TMEM51: variants seen among roughly 807,000 people sequenced by gnomAD.
TMEM51 encodes chromosome 1 open reading frame 72.
A neutral mutation model predicts 13.6 loss-of-function variants in TMEM51; 8 were observed. That is an observed-to-expected ratio of 0.59 (90% CI 0.35 to 1.07). The LOEUF is 1.07. Among genes scored for constraint, TMEM51 ranks in the 50% least tolerant of loss-of-function variants. The probability of loss-of-function intolerance (pLI) is 0.02; values close to 1 mark genes in which losing one functional copy is unlikely to be tolerated. For missense variants in TMEM51, 279 were observed against 330.7 expected (o/e 0.84, Z 1.21); for synonymous variants, 147 against 144.4 (o/e 1.02, Z -0.13).
intron 1 of TMEM51, among the ~76,000 whole-genome samples, chr1:15,209,571 T>C (rs1357878825): frequency 6.6e-6 from 1 of 152,214 alleles, no homozygotes; most frequent in East Asian, 1.9e-4. Flanking sequence ...GTCAGGATCA[T>C]CCTCACTGGT....
chr1:15,156,262 G>T (rs1168786076), intron 1 of TMEM51, among the ~76,000 whole-genome samples: 1 of 152,194 alleles, frequency 6.6e-6, no homozygotes, highest in African/African-American at 2.4e-5. Flanking sequence ...GTCTGCGTGA[G>T]GGATGGGAAA....
rs1233042853 is a variant in TMEM51 at position 15,168,527 on chromosome 1, G to T, written c.-267+14573G>T. On this transcript the variant is annotated intron_variant, in intron 1 of 3. Transcript: ENST00000376008. The stretch of plus-strand genomic sequence containing the variant: ...CCCTTGGTTTTATGATTGGAAGCTG[G>T]TAGAACCACTGATTTAACAGCATAG... 6 of 1,304,734 alleles carry T rather than the reference G, an allele frequency of 4.6e-6. No individual in the cohort carries two copies. The East Asian group carries it at 2.2e-4, about 48-fold the overall frequency. The allele number at this position is 1,304,734 out of a possible 1,614,324, so 80.8% of individuals were successfully genotyped here.
intron 1 of TMEM51, among the ~76,000 whole-genome samples, chr1:15,202,688 C>A (rs1366761197): frequency 2.0e-5 from 3 of 152,174 alleles, no homozygotes; most frequent in African/African-American, 7.2e-5. Flanking sequence ...TTGGGCCCAC[C>A]TGGATGATCC....
intron 1 of TMEM51, among the ~76,000 whole-genome samples, chr1:15,158,850 C>G (rs1396126564): frequency 6.6e-6 from 1 of 152,104 alleles, no homozygotes. Context: ...AGTGGTTTTC[C>G]GCTGGATTTT....
chr1:15,183,054 C>T (rs765457433), intron 1 of TMEM51, among the ~76,000 whole-genome samples: 18 of 152,214 alleles, frequency 1.2e-4, no homozygotes, highest in East Asian at 1.9e-4. Flanking sequence ...TGAGCCACCA[C>T]GCCCAGCCAA....
chr1:15,197,801 C>T (rs1644079237), intron 1 of TMEM51, among the ~76,000 whole-genome samples: 1 of 152,110 alleles, frequency 6.6e-6, no homozygotes, highest in South Asian at 2.1e-4. Flanking sequence ...CCCTCCACTT[C>T]CCTGATCTCG....
intron 1 of TMEM51, among the ~76,000 whole-genome samples, chr1:15,201,313 AAAAT>A (rs1273842938): frequency 5.7e-4 from 86 of 152,004 alleles, no homozygotes; most frequent in Non-Finnish European, 8.4e-4. Flanking sequence ...GTCGTTAAGA[AAAAT>A]AAATATATTA....
intron 1 of TMEM51, among the ~76,000 whole-genome samples, chr1:15,187,949 A>G (rs1214523361): frequency 3.3e-5 from 5 of 152,204 alleles, no homozygotes; most frequent in Non-Finnish European, 7.3e-5. Flanking sequence ...GAGAGGATGC[A>G]TGGGCACAGG....
At chr1:15,175,508 A>G (rs756677423) in intron 1 of TMEM51, among the ~76,000 whole-genome samples, 24 of 152,316 alleles carry the variant, frequency 1.6e-4, no homozygotes, top group Non-Finnish European at 3.1e-4. Context: ...TTTCTGCCTC[A>G]GGGCCTTTGC....
rs561514474 is a variant in TMEM51, at chr1:15,188,952, C to A, written c.-266-21538C>A. On this transcript the variant is annotated intron_variant, in intron 1 of 3. Transcript: ENST00000376008. Reference sequence around the variant, plus strand: ...GAGGTCAGCAGCTTTGCTCCTGCCTCTCCAGGGTCCACCCTTACTGGGCAG... The same window carrying A: ...GAGGTCAGCAGCTTTGCTCCTGCCTATCCAGGGTCCACCCTTACTGGGCAG... Among the ~76,000 whole-genome samples, 218 of 152,320 alleles carry A rather than the reference C, an allele frequency of 1.4e-3. 4 individuals are homozygous for A. In the South Asian group the frequency reaches 0.042, roughly 30 times the overall value.
chr1:15,213,358 T>G (rs532073729), intron 2 of TMEM51, among the ~76,000 whole-genome samples: 1 of 152,342 alleles, frequency 6.6e-6, no homozygotes, highest in African/African-American at 2.4e-5. Flanking sequence ...CAAGAAAATA[T>G]CTTCGCAGCA....
chr1:15,192,134 CA>C (rs1424012062), intron 1 of TMEM51: 5 of 456,782 alleles, frequency 1.1e-5, no homozygotes, highest in Non-Finnish European at 2.2e-5. Context: ...TTTTGATGAA[CA>C]GCATTTTCAT....
At chr1:15,163,645 A>T in intron 1 of TMEM51, among the ~76,000 whole-genome samples, 1 of 132,956 alleles carries the variant, frequency 7.5e-6, no homozygotes, top group Non-Finnish European at 1.8e-5. Flanking sequence ...TTTTGTAATA[A>T]TAGCAACAAA....
chr1:15,204,479 T>A (rs1387537387), intron 1 of TMEM51, among the ~76,000 whole-genome samples: 5 of 152,196 alleles, frequency 3.3e-5, no homozygotes, highest in Non-Finnish European at 7.3e-5. Context: ...CACTTGAACC[T>A]GGAAGGCAGA....
intron 1 of TMEM51, among the ~76,000 whole-genome samples, chr1:15,197,111 A>G (rs768990613): frequency 3.5e-4 from 54 of 152,204 alleles, no homozygotes; most frequent in Non-Finnish European, 4.1e-4. Context: ...TGCCTATGCA[A>G]TGGAGGAGTG....
Position 15,219,993 on chromosome 1 carries a change from G to C in TMEM51, c.*250G>C. 1 of 522,408 alleles carries C rather than the reference G, an allele frequency of 1.9e-6. No homozygotes were observed. Among genetic ancestry groups the C allele is most frequent in the Admixed American group, 3.3e-5 (1 of 30,384 alleles). 32.4% of individuals were successfully genotyped at this position (522,408 alleles called of 1,614,324 possible). ...GTGAATCTGTGGACCACATTCAAGG[G>C]TGTGGCACAGGCATCTTCCCATCCT... On this transcript the variant is annotated 3_prime_UTR_variant, in exon 4 of 4. Transcript: ENST00000376008.
chr1:15,169,526 A>G (rs1480698270), intron 1 of TMEM51, among the ~76,000 whole-genome samples: 1 of 152,212 alleles, frequency 6.6e-6, no homozygotes, highest in Non-Finnish European at 1.5e-5. Flanking sequence ...TCATTAGCAA[A>G]TATCAACCCC....
chr1:15,215,920 G>A (rs1292500892), intron 3 of TMEM51, among the ~76,000 whole-genome samples: 2 of 152,118 alleles, frequency 1.3e-5, no homozygotes, highest in African/African-American at 2.4e-5. Flanking sequence ...CCAGCTACTG[G>A]GGAGGCTGAG....
At chr1:15,154,242 A>T (rs1439765035) in intron 1 of TMEM51, among the ~76,000 whole-genome samples, 1 of 152,204 alleles carries the variant, frequency 6.6e-6, no homozygotes, top group Non-Finnish European at 1.5e-5. Flanking sequence ...TGGCGGGAAC[A>T]GGTGCTATCC....
Sources: gnomAD v4.1 joint callset for allele counts (sites outside exome capture counted in the v4.1 genomes callset) on GRCh38, gnomAD v4.1.1 for gene constraint, MANE v1.5 for transcripts, NCBI Gene and HGNC (gene_info 2026-07-23, HGNC 2026-07-21) for gene names.